The following HNF4G variants were observed in gnomAD, a reference collection of about 807,000 sequenced individuals.
HNF4G encodes the protein hepatocyte nuclear factor 4 gamma.
HNF4G carries 21 observed loss-of-function variants against 50.9 expected under a neutral mutation model. That is an observed-to-expected ratio of 0.41 (90% confidence interval 0.29 to 0.59). HNF4G has a LOEUF of 0.59. Ranked by LOEUF, HNF4G falls within the 20% of genes least tolerant of loss-of-function variation. HNF4G has a pLI of 0.26. For synonymous variants in HNF4G, 198 were observed against 185.6 expected, an observed-to-expected ratio of 1.07 and a Z score of -0.54; for missense variants, 527 against 559.4, an observed-to-expected ratio of 0.94 and a Z score of 0.58.
chr8:75,432,991 C>T (rs572822580), intron 1 of HNF4G, among the ~76,000 whole-genome samples: 1 of 152,234 alleles, frequency 6.6e-6, no homozygotes, highest in East Asian at 1.9e-4. Context: ...AAGAAGATCC[C>T]CTGCCCCAGT....
intron 1 of HNF4G, among the ~76,000 whole-genome samples, chr8:75,442,848 T>C (rs538109799): frequency 1.3e-5 from 2 of 152,136 alleles, no homozygotes; most frequent in South Asian, 2.1e-4. Context: ...ATTCTGTGAG[T>C]CTGCCAGAAC....
At chr8:75,494,645 G>A (rs949298493) in intron 2 of HNF4G, among the ~76,000 whole-genome samples, 5 of 151,760 alleles carry the variant, frequency 3.3e-5, no homozygotes, top group Admixed American at 2.6e-4. Context: ...TGAAATTATC[G>A]CCTAGATTAC....
intron 2 of HNF4G, among the ~76,000 whole-genome samples, chr8:75,502,279 A>T (rs1812950258): frequency 6.6e-6 from 1 of 152,212 alleles, no homozygotes; most frequent in African/African-American, 2.4e-5. Context: ...TGTGTGAAAG[A>T]CAGAGAATTG....
rs748221253 is a variant in HNF4G at position 75,480,717 on chromosome 8, C to CTTTTTTTT, written c.-143-9369_-143-9368insTTTTTTTT. Among the ~76,000 whole-genome samples the CTTTTTTTT allele has an allele frequency of 4.8e-4, 60 of 123,894 alleles. 2 individuals are homozygous for CTTTTTTTT. Among genetic ancestry groups the CTTTTTTTT allele is most frequent in the Non-Finnish European group, 7.0e-4 (43 of 61,394 alleles). The allele number at this position is 123,894 out of a possible 152,430, so 81.3% of individuals were successfully genotyped here. ...CTGGATCTCATTTCTTTTTCTTTTT[C>CTTTTTTTT]TTTCTTTTTTTTTTTTTTTGAGACA... On this transcript the variant is annotated intron_variant, in intron 1 of 10. Transcript: ENST00000354370.
At chr8:75,408,982 C>T (rs562121946) in intron 1 of HNF4G, among the ~76,000 whole-genome samples, 16 of 152,332 alleles carry the variant, frequency 1.1e-4, no homozygotes, top group African/African-American at 3.8e-4. Context: ...AAACATTCTT[C>T]CTGTCTAGCT....
chr8:75,514,748 A>G (rs1304546594), intron 2 of HNF4G, among the ~76,000 whole-genome samples: 2 of 152,222 alleles, frequency 1.3e-5, no homozygotes, highest in African/African-American at 2.4e-5. Flanking sequence ...TAGAAAATTT[A>G]TAAATTTGTT....
At chr8:75,457,735 G>A (rs1280654648) in intron 1 of HNF4G, among the ~76,000 whole-genome samples, 1 of 152,066 alleles carries the variant, frequency 6.6e-6, no homozygotes, top group Non-Finnish European at 1.5e-5. Context: ...GGTGGGGGTG[G>A]TGGCTGCTCA....
intron 1 of HNF4G, among the ~76,000 whole-genome samples, chr8:75,460,065 C>T (rs764093080): frequency 2.7e-5 from 3 of 109,692 alleles, no homozygotes; most frequent in Admixed American, 8.7e-5. Context: ...TAAATCAATA[C>T]GTACGTTCTG....
intron 1 of HNF4G, among the ~76,000 whole-genome samples, chr8:75,408,345 T>C (rs2130451194): frequency 6.6e-6 from 1 of 152,146 alleles, no homozygotes; most frequent in African/African-American, 2.4e-5. Flanking sequence ...CCCAGGTCTC[T>C]GGGGGGTCTT....
chr8:75,414,411 A>G (rs556019164), intron 1 of HNF4G, among the ~76,000 whole-genome samples: 3 of 152,274 alleles, frequency 2.0e-5, no homozygotes, highest in East Asian at 3.9e-4. Flanking sequence ...AACAGCGTAT[A>G]TTTAAAGTGT....
At chr8:75,429,350 TTTTCTCTCTC>T (rs1810955905) in intron 1 of HNF4G, among the ~76,000 whole-genome samples, 1 of 152,156 alleles carries the variant, frequency 6.6e-6, no homozygotes, top group South Asian at 2.1e-4. Context: ...GTAACTCCAT[TTTTCTCTCTC>T]TTTCTCTCTT....
intron 2 of HNF4G, among the ~76,000 whole-genome samples, chr8:75,512,470 ATTG>A (rs925810573): frequency 2.9e-5 from 4 of 135,618 alleles, no homozygotes; most frequent in African/African-American, 5.2e-5. Flanking sequence ...TATTATTATT[ATTG>A]TTATTATTTG....
At chr8:75,426,211 A>G (rs1046937124) in intron 1 of HNF4G, among the ~76,000 whole-genome samples, 2 of 152,092 alleles carry the variant, frequency 1.3e-5, no homozygotes, top group African/African-American at 4.8e-5. Context: ...TTTTATTGTC[A>G]TACTGTTTTG....
Position 75,409,712 on chromosome 8 carries a change from C to T in HNF4G, c.-144+1550C>T, listed in dbSNP as rs533329726. 2.6e-5 allele frequency among the ~76,000 whole-genome samples: 4 copies of T among 152,090 alleles called. No individual in the cohort carries two copies. In the South Asian group the frequency reaches 8.3e-4, roughly 32 times the overall value. On this transcript the variant is annotated intron_variant, in intron 1 of 10. Coordinates refer to the HNF4G transcript ENST00000354370. ...CCATGTTGGTCAGGCTGGTCTTGAACTCCTGACCTCGTGATCTGCCCGTCT... is the reference window on the plus strand; with the variant it reads ...CCATGTTGGTCAGGCTGGTCTTGAATTCCTGACCTCGTGATCTGCCCGTCT...
At chr8:75,487,362 T>A (rs540014592) in intron 1 of HNF4G, among the ~76,000 whole-genome samples, 12 of 152,336 alleles carry the variant, frequency 7.9e-5, no homozygotes, top group African/African-American at 2.9e-4. Flanking sequence ...TTTATATTTG[T>A]TATTTGGTTT....
Position 75,555,967 on chromosome 8 carries a change from G to C in HNF4G, c.646-15G>C. On this transcript the variant is annotated splice_polypyrimidine_tract_variant and intron_variant, in intron 5 of 9. Transcript: ENST00000396423. ...ATATTATAATTAATTGTTAAACTGA[G>C]AATTTTTCATTAAGGTGGCACTGTT... 3.5e-6 allele frequency: 5 copies of C among 1,426,034 alleles called. No homozygotes were observed. Among genetic ancestry groups the C allele is most frequent in the Non-Finnish European group, 4.7e-6 (5 of 1,052,648 alleles). 88.3% of individuals were successfully genotyped at this position (1,426,034 alleles called of 1,614,324 possible).
rs568634319 is a variant in HNF4G at position 75,526,429 on chromosome 8, C to T, written c.-23-17382C>T. 8.8e-4 allele frequency among the ~76,000 whole-genome samples: 134 copies of T among 152,230 alleles called. 1 individual carries two copies. Among genetic ancestry groups the T allele is most frequent in the African/African-American group, 3.2e-3 (133 of 41,534 alleles). The stretch of plus-strand genomic sequence containing the variant: ...GTGGAAATGTTTGAGTAACTCAGTG[C>T]GCATATTCCCAGTTGAAGTCCAAGG... On this transcript the variant is annotated intron_variant, in intron 2 of 10. Coordinates refer to the HNF4G transcript ENST00000354370.
At chr8:75,425,910 G>C (rs1810881783) in intron 1 of HNF4G, among the ~76,000 whole-genome samples, 1 of 152,104 alleles carries the variant, frequency 6.6e-6, no homozygotes, top group African/African-American at 2.4e-5. Flanking sequence ...ATATTTCCAA[G>C]AGTGGAATTA....
intron 1 of HNF4G, among the ~76,000 whole-genome samples, chr8:75,418,722 C>CTTTTTTTT (rs560295179): frequency 2.7e-5 from 3 of 109,404 alleles, no homozygotes; most frequent in Admixed American, 9.6e-5. Context: ...CTCTCTCTCT[C>CTTTTTTTT]TTTTTTTTTT....
Sources: allele counts gnomAD v4.1 joint callset (sites outside exome capture counted in the v4.1 genomes callset), GRCh38; gene constraint gnomAD v4.1.1; transcripts MANE v1.5; gene names NCBI Gene and HGNC (gene_info 2026-07-23, HGNC 2026-07-21).